Variants in PTK2 observed in about 807,000 individuals in gnomAD.
PTK2 encodes focal adhesion kinase 1.
A neutral mutation model predicts 150.1 loss-of-function variants in PTK2; 45 were observed. The ratio of observed to expected loss-of-function variants is 0.30; its 90% CI spans 0.24 to 0.38. PTK2 has a LOEUF of 0.38. Ranked by LOEUF, PTK2 falls within the 10% of genes least tolerant of loss-of-function variation. PTK2 has a pLI of 1.00. For missense variants in PTK2, 919 were observed against 1,307.3 expected (o/e 0.70, Z 4.58); for synonymous variants, 432 against 449.2 (o/e 0.96, Z 0.48).
intron 1 of PTK2, among the ~76,000 whole-genome samples, chr8:140,955,224 T>C (rs961005866): frequency 6.6e-6 from 1 of 152,204 alleles, no homozygotes; most frequent in Non-Finnish European, 1.5e-5. Context: ...AATTCCCATG[T>C]GTTGTGGGAG....
chr8:140,777,573 G>A (rs149626122), intron 14 of PTK2, among the ~76,000 whole-genome samples: 3 of 152,286 alleles, frequency 2.0e-5, no homozygotes, highest in Non-Finnish European at 2.9e-5. Flanking sequence ...GCTTTTAGTC[G>A]CTTAGATCTA....
intron 30 of PTK2, among the ~76,000 whole-genome samples, chr8:140,667,356 G>C (rs531998609): frequency 6.6e-5 from 10 of 152,304 alleles, no homozygotes; most frequent in Admixed American, 5.9e-4. Flanking sequence ...CACACTCTGT[G>C]AACTGGAGGA....
At chr8:140,867,721 T>C (rs576312056) in intron 4 of PTK2, among the ~76,000 whole-genome samples, 1 of 152,304 alleles carries the variant, frequency 6.6e-6, no homozygotes, top group South Asian at 2.1e-4. Flanking sequence ...GTAACAAATC[T>C]GCCCATGTAC....
At chr8:140,716,060 G>A (rs866650975) in intron 23 of PTK2, among the ~76,000 whole-genome samples, 1 of 152,280 alleles carries the variant, frequency 6.6e-6, no homozygotes, top group Middle Eastern at 3.4e-3. Context: ...ACTAAATAAA[G>A]TGCTGTACAG....
chr8:140,747,049 C>T, intron 17 of PTK2, 189 bp from the exon 21 acceptor site: 1 of 490,786 alleles, frequency 2.0e-6, no homozygotes, highest in South Asian at 2.4e-5. Flanking sequence ...CACCACCACG[C>T]CCGGCTAATT....
chr8:140,807,016 GC>G (rs1444058425), intron 10 of PTK2, among the ~76,000 whole-genome samples: 1 of 152,152 alleles, frequency 6.6e-6, no homozygotes, highest in Non-Finnish European at 1.5e-5. Context: ...TAGAAGGAAA[GC>G]CCCATGAGGA....
intron 7 of PTK2, among the ~76,000 whole-genome samples, chr8:140,843,638 A>G (rs1255570450): frequency 3.9e-5 from 6 of 152,070 alleles, no homozygotes; most frequent in African/African-American, 4.8e-5. Flanking sequence ...TTTGCCATCT[A>G]TTGTACCTTC....
intron 8 of PTK2, among the ~76,000 whole-genome samples, chr8:140,829,728 C>T (rs2100114168): frequency 6.6e-6 from 1 of 152,068 alleles, no homozygotes; most frequent in South Asian, 2.1e-4. Context: ...AATATATTTA[C>T]TAATCTGTTA....
At chr8:140,868,987 G>A (rs1414170414) in intron 4 of PTK2, among the ~76,000 whole-genome samples, 1 of 151,996 alleles carries the variant, frequency 6.6e-6, no homozygotes, top group Admixed American at 6.6e-5. Context: ...TAATATTTAG[G>A]GAAACTGGCT....
intron 14 of PTK2, among the ~76,000 whole-genome samples, chr8:140,776,851 G>C (rs1032446006): frequency 2.0e-5 from 3 of 152,182 alleles, no homozygotes; most frequent in East Asian, 1.9e-4. Context: ...GTGTGACTGT[G>C]GCTGACACAA....
At chr8:140,875,331 T>C (rs2100144881) in intron 4 of PTK2, among the ~76,000 whole-genome samples, 1 of 152,188 alleles carries the variant, frequency 6.6e-6, no homozygotes, top group Non-Finnish European at 1.5e-5. Flanking sequence ...GCCATATTAT[T>C]CAACAATTAA....
intron 2 of PTK2, among the ~76,000 whole-genome samples, chr8:140,922,184 G>C (rs982473045): frequency 6.6e-6 from 1 of 152,164 alleles, no homozygotes; most frequent in African/African-American, 2.4e-5. Context: ...CCCCAGGACA[G>C]TTGTTTCATT....
intron 2 of PTK2, among the ~76,000 whole-genome samples, chr8:140,897,742 G>C (rs1159201593): frequency 1.3e-5 from 2 of 152,166 alleles, no homozygotes; most frequent in African/African-American, 2.4e-5. Context: ...TGTGTTGTTT[G>C]TGTGGTTCTG....
At chr8:140,973,138 C>G (rs1044335958) in intron 1 of PTK2, among the ~76,000 whole-genome samples, 3 of 152,124 alleles carry the variant, frequency 2.0e-5, no homozygotes, top group Admixed American at 2.0e-4. Flanking sequence ...CTAGTAATGA[C>G]AGAAATAATA....
intron 22 of PTK2, chr8:140,718,159 CCCTAAATTGCTCAATACAATCTT>C: frequency 6.2e-6 from 1 of 160,272 alleles, no homozygotes. Flanking sequence ...CCAATAATCT[CCCTAAATTGCTCAATACAATCTT>C]CCTATCGTTC....
rs56135573 is a variant in PTK2, at chr8:140,767,260, C to CTT, written c.1178-2972_1178-2971dup. The stretch of plus-strand genomic sequence containing the variant: ...CAAGAGAAAACCTGTAAATTTCTTT[C>CTT]TTTTTTTTTTTTAGCTGGATGAATT... On this transcript the variant is annotated intron_variant, in intron 14 of 31. Transcript: ENST00000522684. 7.3e-3 allele frequency among the ~76,000 whole-genome samples: 1,078 copies of CTT among 147,364 alleles called. 10 individuals are homozygous for CTT. The highest frequency in any genetic ancestry group is 9.1e-3 in the Non-Finnish European group (606 of 66,570).
chr8:140,795,421 A>G (rs2100090950), intron 12 of PTK2, among the ~76,000 whole-genome samples: 1 of 152,044 alleles, frequency 6.6e-6, no homozygotes, highest in Non-Finnish European at 1.5e-5. Flanking sequence ...CCAGCCTTCA[A>G]TAGGGAATAG....
At chr8:140,712,337 A>G (rs1264309774) in intron 23 of PTK2, among the ~76,000 whole-genome samples, 2 of 152,232 alleles carry the variant, frequency 1.3e-5, no homozygotes, top group Non-Finnish European at 2.9e-5. Flanking sequence ...CTGCAGTCTT[A>G]CGATGTTCTG....
At chr8:140,675,384 C>G in intron 28 of PTK2, 76 bp downstream of exon 31, 1 of 1,488,486 alleles carries the variant, frequency 6.7e-7, no homozygotes. Context: ...TCCAAAGCTA[C>G]GACACTATAT....
Sources: allele counts gnomAD v4.1 joint callset (sites outside exome capture counted in the v4.1 genomes callset), GRCh38; gene constraint gnomAD v4.1.1; transcripts MANE v1.5; gene names NCBI Gene and HGNC (gene_info 2026-07-23, HGNC 2026-07-21).